PGM2L1: variants seen among roughly 807,000 people sequenced by gnomAD.
PGM2L1 encodes phosphoglucomutase 2 like 1, also known as glucose 1,6-bisphosphate synthase.
A neutral mutation model predicts 73.4 loss-of-function variants in PGM2L1; 35 were observed. That is an observed-to-expected ratio of 0.48 (90% CI 0.36 to 0.63). The LOEUF (loss-of-function observed/expected upper bound fraction) is 0.63. Among genes scored for constraint, PGM2L1 ranks in the 30% least tolerant of loss-of-function variants. The pLI is 0.00. For missense variants in PGM2L1, 570 were observed against 742.0 expected, an observed-to-expected ratio of 0.77 and a Z score of 2.69; for synonymous variants, 225 against 253.8, an observed-to-expected ratio of 0.89 and a Z score of 1.08.
chr11:74,388,393 C>A (rs1863045807), intron 1 of PGM2L1, among the ~76,000 whole-genome samples: 1 of 152,096 alleles, frequency 6.6e-6, no homozygotes, highest in Non-Finnish European at 1.5e-5. Flanking sequence ...ATCTATATAT[C>A]TTGGAGGTCC....
Position 74,331,358 on chromosome 11 carries a change from G to T in PGM2L1, c.*5294C>A, listed in dbSNP as rs1169180881. 6.7e-6 allele frequency: 1 copy of T among 149,188 alleles called. No individual in the cohort carries two copies. Among genetic ancestry groups the T allele is most frequent in the Non-Finnish European group, 1.5e-5 (1 of 67,782 alleles). 9.2% of individuals were successfully genotyped at this position (149,188 alleles called of 1,614,324 possible). On this transcript the variant is annotated 3_prime_UTR_variant, in exon 14 of 14. Transcript: ENST00000298198. Reference sequence around the variant, plus strand: ...GCTCACCACAACCTCCACCTCCTGGGTTCAAGTGATTCTCCTGCCTCAGCC... The same window carrying T: ...GCTCACCACAACCTCCACCTCCTGGTTTCAAGTGATTCTCCTGCCTCAGCC...
intron 5 of PGM2L1, among the ~76,000 whole-genome samples, chr11:74,351,818 C>T (rs1010450986): frequency 1.5e-4 from 23 of 151,782 alleles, no homozygotes; most frequent in Admixed American, 5.3e-4. Context: ...AAAAATTAGC[C>T]GGGTGTGGTG....
chr11:74,382,792 C>A (rs780850142), intron 1 of PGM2L1, among the ~76,000 whole-genome samples: 40 of 152,320 alleles, frequency 2.6e-4, no homozygotes, highest in Admixed American at 2.4e-3. Context: ...AGCCACCGCA[C>A]CTGCTTTGTA....
At chr11:74,377,369 A>G (rs967216679) in intron 1 of PGM2L1, among the ~76,000 whole-genome samples, 6 of 152,146 alleles carry the variant, frequency 3.9e-5, no homozygotes, top group East Asian at 3.9e-4. Context: ...TCCTGACCTC[A>G]TGATACGCCC....
At chr11:74,351,798 T>C (rs891968907) in intron 5 of PGM2L1, among the ~76,000 whole-genome samples, 3 of 151,560 alleles carry the variant, frequency 2.0e-5, no homozygotes, top group Non-Finnish European at 2.9e-5. Context: ...CTGTCTCTAC[T>C]AAAAATACAA....
At chr11:74,374,630 C>G (rs1237731936) in intron 1 of PGM2L1, 48 bp from the exon 2 acceptor site, 2 of 1,552,956 alleles carry the variant, frequency 1.3e-6, no homozygotes, top group Non-Finnish European at 1.8e-6. Flanking sequence ...AAGCAGAGTC[C>G]TAATATTAAG....
At chr11:74,337,419 T>A (rs1242115495) in intron 13 of PGM2L1, among the ~76,000 whole-genome samples, 2 of 152,240 alleles carry the variant, frequency 1.3e-5, no homozygotes, top group Non-Finnish European at 2.9e-5. Flanking sequence ...CGGGGGCTCT[T>A]TATCCCCCCC....
intron 1 of PGM2L1, among the ~76,000 whole-genome samples, chr11:74,381,443 C>T (rs1862942992): frequency 6.6e-6 from 1 of 152,138 alleles, no homozygotes. Flanking sequence ...GAGCAAAATC[C>T]CCCTCTTTTA....
In PGM2L1 at chr11:74,334,288, T is replaced by C. The variant is rs1443721573; in HGVS notation, c.*2364A>G. 2 of 152,222 alleles carry C rather than the reference T, an allele frequency of 1.3e-5. No homozygotes were observed. The highest frequency in any genetic ancestry group is 3.8e-4 in the East Asian group (2 of 5,200). The allele number at this position is 152,222 out of a possible 1,614,324, so 9.4% of individuals were successfully genotyped here. A position where few individuals can be genotyped will look rare whatever the true frequency, so the allele number is the denominator to read the frequency against. ...GAGCCGTTGATTCATTTTAGCTTCA[T>C]TTTTGTTTATCAGTCACTGAAACAC... On this transcript the variant is annotated 3_prime_UTR_variant, in exon 14 of 14. Coordinates refer to ENST00000298198, the MANE Select transcript of PGM2L1 (RefSeq NM_173582.6).
rs1862029558 is a variant in PGM2L1 at position 74,332,477 on chromosome 11, T to G, written c.*4175A>C. 6.6e-6 allele frequency: 1 copy of G among 152,648 alleles called. No homozygotes were observed. The highest frequency in any genetic ancestry group is 2.4e-5 in the African/African-American group (1 of 41,460). The allele number at this position is 152,648 out of a possible 1,614,324, so 9.5% of individuals were successfully genotyped here. ...GTTTATGACTAAGCTTAAAGCATTC[T>G]GAATGAATACAGTTGAGATTTCTTA... On this transcript the variant is annotated 3_prime_UTR_variant, in exon 14 of 14. Transcript: ENST00000298198.
At position 74,376,548 on chromosome 11, in the gene PGM2L1, T is replaced by C. The variant is rs550377283; in HGVS notation, c.112-1966A>G. 2.5e-3 allele frequency among the ~76,000 whole-genome samples: 384 copies of C among 151,310 alleles called. 1 individual carries two copies. The highest frequency in any genetic ancestry group is 8.6e-3 in the African/African-American group (357 of 41,316). On this transcript the variant is annotated intron_variant, in intron 1 of 13. Coordinates refer to ENST00000298198, the MANE Select transcript of PGM2L1 (RefSeq NM_173582.6). ...TGTATATATGTATATATGTAGTATGTATATATATCTAATGAGTATATATGT... is the reference window on the plus strand; with the variant it reads ...TGTATATATGTATATATGTAGTATGCATATATATCTAATGAGTATATATGT...
intron 5 of PGM2L1, among the ~76,000 whole-genome samples, chr11:74,361,662 C>T (rs1862565467): frequency 2.0e-5 from 3 of 152,112 alleles, no homozygotes; most frequent in Admixed American, 1.3e-4. Context: ...AAATATTAGA[C>T]GACTGGCTAA....
chr11:74,390,113 C>T (rs1439987975), intron 1 of PGM2L1, among the ~76,000 whole-genome samples: 2 of 102,226 alleles, frequency 2.0e-5, no homozygotes, highest in African/African-American at 3.4e-5. Context: ...AGCGAGACTC[C>T]GTCTCAAAAA....
Position 74,330,989 on chromosome 11 carries a change from G to A in PGM2L1, c.*5663C>T, listed in dbSNP as rs568900448. 6.6e-6 allele frequency: 1 copy of A among 152,204 alleles called. No individual in the cohort carries two copies. Among genetic ancestry groups the A allele is most frequent in the Non-Finnish European group, 1.5e-5 (1 of 67,980 alleles). The allele number at this position is 152,204 out of a possible 1,614,324, so 9.4% of individuals were successfully genotyped here. On this transcript the variant is annotated 3_prime_UTR_variant, in exon 14 of 14. Transcript: ENST00000298198. The stretch of plus-strand genomic sequence containing the variant: ...GAATTAGAAAATTCATTTTTTGATT[G>A]TTCCTTAAACTATTTGCTACTTTTA...
intron 12 of PGM2L1, among the ~76,000 whole-genome samples, chr11:74,339,933 C>G (rs1302721699): frequency 6.6e-6 from 1 of 152,188 alleles, no homozygotes; most frequent in Non-Finnish European, 1.5e-5. Flanking sequence ...CATAAGCCCC[C>G]AAAGTCTCTT....
At chr11:74,354,586 C>T (rs1213122453) in intron 5 of PGM2L1, 1 of 1,121,426 alleles carries the variant, frequency 8.9e-7, no homozygotes, top group Non-Finnish European at 1.3e-6. Flanking sequence ...AATGAAAGAC[C>T]CAAACACCAA....
intron 12 of PGM2L1, among the ~76,000 whole-genome samples, chr11:74,339,281 T>G (rs1862147192): frequency 6.6e-6 from 1 of 152,192 alleles, no homozygotes; most frequent in Non-Finnish European, 1.5e-5. Flanking sequence ...CAGAAAGAAC[T>G]CTATTTTTTA....
Position 74,398,169 on chromosome 11 carries a change from A to G in PGM2L1, c.-8T>C, listed in dbSNP as rs968404671. 5 of 1,606,502 alleles carry G rather than the reference A, an allele frequency of 3.1e-6. No homozygotes were observed. The highest frequency in any genetic ancestry group is 4.3e-6 in the Non-Finnish European group (5 of 1,175,810). On this transcript the variant is annotated 5_prime_UTR_variant, in exon 1 of 14. Coordinates refer to ENST00000298198, the MANE Select transcript of PGM2L1 (RefSeq NM_173582.6). ...CTCTGTGTTTTCAGCCATGGCGACC[A>G]GACAGGCGTACGGGCCGGGGGCCGG...
At position 74,336,619 on chromosome 11, in the gene PGM2L1, G is replaced by A. The variant is rs1306518483; in HGVS notation, c.*33C>T. The A allele has an allele frequency of 6.8e-7, 1 of 1,461,650 alleles. No homozygotes were observed. The highest frequency in any genetic ancestry group is 1.9e-5 in the Admixed American group (1 of 52,784). The allele number at this position is 1,461,650 out of a possible 1,614,324, so 90.5% of individuals were successfully genotyped here. A position where few individuals can be genotyped will look rare whatever the true frequency, so the allele number is the denominator to read the frequency against. On this transcript the variant is annotated 3_prime_UTR_variant, in exon 14 of 14. Coordinates refer to ENST00000298198, the MANE Select transcript of PGM2L1 (RefSeq NM_173582.6). Reference sequence around the variant, plus strand: ...AGTTCTCGGTTGCTCTGTTCCATATGCCCACACAGTGTCATGACATATTGG... The same window carrying A: ...AGTTCTCGGTTGCTCTGTTCCATATACCCACACAGTGTCATGACATATTGG...
Sources: allele counts gnomAD v4.1 joint callset (sites outside exome capture counted in the v4.1 genomes callset), GRCh38; gene constraint gnomAD v4.1.1; transcripts MANE v1.5; gene names NCBI Gene and HGNC (gene_info 2026-07-23, HGNC 2026-07-21).